Variants in PPP1R9A observed in about 807,000 individuals in gnomAD.
The protein encoded by PPP1R9A is neurabin-1.
In PPP1R9A, 59 loss-of-function variants were observed where a neutral mutation model predicts 141.9. The observed-to-expected ratio is 0.42, with a 90% CI of 0.34 to 0.52. The LOEUF (loss-of-function observed/expected upper bound fraction) is 0.52. PPP1R9A is among the 20% of genes least tolerant of loss of function. The pLI, the probability that PPP1R9A is intolerant of heterozygous loss-of-function variation, is 0.10. For missense variants in PPP1R9A, 1,444 were observed against 1,611.9 expected (o/e 0.90, Z 1.78); for synonymous variants, 500 against 569.7 (o/e 0.88, Z 1.74).
chr7:94,969,855 G>A (rs1798663034), intron 2 of PPP1R9A, among the ~76,000 whole-genome samples: 1 of 152,194 alleles, frequency 6.6e-6, no homozygotes, highest in Non-Finnish European at 1.5e-5. Flanking sequence ...CAGAGAGGAG[G>A]AATGTAGAGA....
chr7:95,231,991 A>G (rs1230037072), intron 8 of PPP1R9A, among the ~76,000 whole-genome samples: 2 of 152,310 alleles, frequency 1.3e-5, no homozygotes, highest in East Asian at 1.9e-4. Context: ...ATAGATCTCT[A>G]GCGAGATTAA....
intron 2 of PPP1R9A, among the ~76,000 whole-genome samples, chr7:95,074,789 T>C (rs1814592449): frequency 6.6e-6 from 1 of 152,096 alleles, no homozygotes; most frequent in South Asian, 2.1e-4. Context: ...ACTACATATT[T>C]GAAGTTTCCA....
chr7:94,932,024 T>A (rs913094317), intron 2 of PPP1R9A, among the ~76,000 whole-genome samples: 19 of 152,222 alleles, frequency 1.2e-4, no homozygotes, highest in Admixed American at 2.0e-4. Flanking sequence ...GGTATTAGCT[T>A]CACTTGAAGT....
At chr7:95,130,610 A>G (rs543386428) in intron 4 of PPP1R9A, among the ~76,000 whole-genome samples, 1 of 152,104 alleles carries the variant, frequency 6.6e-6, no homozygotes, top group Non-Finnish European at 1.5e-5. Flanking sequence ...CTTGCACTCT[A>G]TGCCTGGAAA....
chr7:95,234,254 A>C (rs916499435), intron 8 of PPP1R9A, among the ~76,000 whole-genome samples: 1 of 152,188 alleles, frequency 6.6e-6, no homozygotes, highest in Non-Finnish European at 1.5e-5. Flanking sequence ...TTTGCTGTTG[A>C]TATGATTGTA....
At chr7:95,208,956 T>TA (rs10670515) in intron 7 of PPP1R9A, among the ~76,000 whole-genome samples, 6,462 of 76,870 alleles carry the variant, frequency 0.084, 753 homozygotes, top group African/African-American at 0.26. Context: ...ATAGCAAAAC[T>TA]AAAAAAAAAA....
intron 2 of PPP1R9A, among the ~76,000 whole-genome samples, chr7:95,016,855 A>G (rs537208904): frequency 1.3e-5 from 2 of 152,290 alleles, no homozygotes; most frequent in African/African-American, 4.8e-5. Flanking sequence ...TACCTCAAGA[A>G]GTTATGTTGA....
rs1306438840 is a variant in PPP1R9A, at chr7:95,016,837, G to A, written c.1396-94422G>A. Among the ~76,000 whole-genome samples the A allele has an allele frequency of 2.0e-5, 3 of 152,152 alleles. No individual in the cohort carries two copies. In the East Asian group the frequency reaches 5.8e-4, roughly 29 times the overall value. On this transcript the variant is annotated intron_variant, in intron 2 of 19. Coordinates refer to ENST00000433360, the MANE Select transcript of PPP1R9A (RefSeq NM_001166160.2). ...TGTAATAAGGTATGTGTTATGGATT[G>A]AATCGTGTACCTCAAGAAGTTATGT...
intron 2 of PPP1R9A, among the ~76,000 whole-genome samples, chr7:95,061,471 C>T (rs965789786): frequency 6.6e-6 from 1 of 152,174 alleles, no homozygotes; most frequent in African/African-American, 2.4e-5. Flanking sequence ...CGCGGTGGCT[C>T]ATGCCTATTA....
chr7:94,977,492 T>C (rs1584476167), intron 2 of PPP1R9A, among the ~76,000 whole-genome samples: 2 of 152,196 alleles, frequency 1.3e-5, no homozygotes, highest in Admixed American at 1.3e-4. Context: ...TTGAGCAACA[T>C]TGAAGACATT....
At chr7:95,252,553 C>T (rs780500065) in intron 12 of PPP1R9A, among the ~76,000 whole-genome samples, 16 of 146,868 alleles carry the variant, frequency 1.1e-4, no homozygotes, top group Admixed American at 2.1e-4. Context: ...CTACAACCTT[C>T]GCCTCCCAGG....
chr7:94,913,599 A>G (rs1440547490), intron 2 of PPP1R9A, among the ~76,000 whole-genome samples: 5 of 152,126 alleles, frequency 3.3e-5, no homozygotes, highest in Non-Finnish European at 5.9e-5. Context: ...GAATAACACA[A>G]TTACTCTTTC....
At chr7:94,919,301 A>ATT (rs757456894) in intron 2 of PPP1R9A, among the ~76,000 whole-genome samples, 101 of 106,150 alleles carry the variant, frequency 9.5e-4, no homozygotes, top group East Asian at 2.7e-3. Context: ...GGATAATTAC[A>ATT]TTTTTTTTTT....
chr7:95,092,606 C>A (rs1333833432), intron 2 of PPP1R9A, among the ~76,000 whole-genome samples: 1 of 152,152 alleles, frequency 6.6e-6, no homozygotes, highest in Admixed American at 6.5e-5. Flanking sequence ...CAGGCAGACT[C>A]CCTGTAAGCA....
In PPP1R9A at chr7:95,152,199, C is replaced by T. The variant is rs1267533475; in HGVS notation, c.1650-9668C>T. On this transcript the variant is annotated intron_variant, in intron 4 of 19. Transcript: ENST00000433360. ...TCTCTTGACCTCGTGATCCACCCGC[C>T]TTGGCTTTCCACAGTGCTGGGATTA... 1.1e-4 allele frequency among the ~76,000 whole-genome samples: 16 copies of T among 152,004 alleles called. 1 individual carries two copies. Among genetic ancestry groups the T allele is most frequent in the Admixed American group, 1.0e-3 (16 of 15,250 alleles).
chr7:95,089,053 G>A (rs1052082638), intron 2 of PPP1R9A, among the ~76,000 whole-genome samples: 1 of 151,990 alleles, frequency 6.6e-6, no homozygotes, highest in African/African-American at 2.4e-5. Flanking sequence ...GATCTTCTGA[G>A]TCACCATGCC....
At chr7:95,134,044 A>G (rs186967306) in intron 4 of PPP1R9A, among the ~76,000 whole-genome samples, 1 of 152,286 alleles carries the variant, frequency 6.6e-6, no homozygotes, top group Non-Finnish European at 1.5e-5. Flanking sequence ...ACTATTTACA[A>G]TAGCAAAGAC....
chr7:95,011,570 T>G (rs1251498460), intron 2 of PPP1R9A, among the ~76,000 whole-genome samples: 1 of 152,216 alleles, frequency 6.6e-6, no homozygotes, highest in Non-Finnish European at 1.5e-5. Flanking sequence ...CAGTTAAAAT[T>G]TATTAATCAC....
At chr7:95,260,647 C>G (rs1318327713) in intron 12 of PPP1R9A, among the ~76,000 whole-genome samples, 1 of 150,174 alleles carries the variant, frequency 6.7e-6, no homozygotes, top group Non-Finnish European at 1.5e-5. Flanking sequence ...CCCCTACACT[C>G]CAGCCTGGGA....
Sources: gnomAD v4.1 joint callset for allele counts (sites outside exome capture counted in the v4.1 genomes callset) on GRCh38, gnomAD v4.1.1 for gene constraint, MANE v1.5 for transcripts, NCBI Gene and HGNC (gene_info 2026-07-23, HGNC 2026-07-21) for gene names.